The following GALK2 variants were observed in gnomAD, a reference collection of about 807,000 sequenced individuals.
GALK2 encodes N-acetylgalactosamine kinase.
A neutral mutation model predicts 52.4 loss-of-function variants in GALK2; 36 were observed. The observed-to-expected ratio is 0.69, with a 90% CI of 0.53 to 0.91. The LOEUF (loss-of-function observed/expected upper bound fraction) is 0.91, where lower values mean the gene tolerates loss of function less well. Among genes scored for constraint, GALK2 ranks in the 40% least tolerant of loss-of-function variants. The pLI is 0.00. For missense variants in GALK2, 579 were observed against 559.1 expected, an observed-to-expected ratio of 1.04 and a Z score of -0.36; for synonymous variants, 176 against 199.1, an observed-to-expected ratio of 0.88 and a Z score of 0.98.
At position 49,329,271 on chromosome 15, in the gene GALK2, G is replaced by T. The variant is rs2038133143; in HGVS notation, c.*1112G>T. ...AAGAGTGGGCAGAAATGTTTGGCTG[G>T]TGATGGCAAATGACTGGCTTTCTCT... On this transcript the variant is annotated 3_prime_UTR_variant, in exon 10 of 10. Coordinates refer to ENST00000560031, the MANE Select transcript of GALK2 (RefSeq NM_002044.4). 2.0e-6 allele frequency: 2 copies of T among 985,288 alleles called. No individual in the cohort carries two copies. The highest frequency in any genetic ancestry group is 6.1e-5 in the Admixed American group (1 of 16,262). 61.0% of individuals were successfully genotyped at this position (985,288 alleles called of 1,614,324 possible). A position where few individuals can be genotyped will look rare whatever the true frequency, so the allele number is the denominator to read the frequency against.
intron 2 of GALK2, among the ~76,000 whole-genome samples, chr15:49,212,291 C>T (rs2088979315): frequency 6.6e-6 from 1 of 151,898 alleles, no homozygotes; most frequent in Non-Finnish European, 1.5e-5. Flanking sequence ...TGGGGTTTCA[C>T]CCTGTTGGCC....
rs936584602 is a variant in GALK2 at position 49,264,633 on chromosome 15, G to A, written c.505-17354G>A. Among the ~76,000 whole-genome samples the A allele has an allele frequency of 7.2e-5, 11 of 152,262 alleles. No homozygotes were observed. The South Asian group carries it at 2.1e-3, about 29-fold the overall frequency. On this transcript the variant is annotated intron_variant, in intron 5 of 9. Coordinates refer to ENST00000560031, the MANE Select transcript of GALK2 (RefSeq NM_002044.4). ...GCTGGTGAGGAACTGCGTTCCTTTGGAGGAGGAGAGGCGCTCTGCTTTTTA... is the reference window on the plus strand; with the variant it reads ...GCTGGTGAGGAACTGCGTTCCTTTGAAGGAGGAGAGGCGCTCTGCTTTTTA...
intron 1 of GALK2, among the ~76,000 whole-genome samples, chr15:49,179,531 G>A (rs1314208730): frequency 6.6e-6 from 1 of 151,980 alleles, no homozygotes; most frequent in Non-Finnish European, 1.5e-5. Flanking sequence ...CATTTCTGCA[G>A]TTAGCCACAC....
intron 2 of GALK2, among the ~76,000 whole-genome samples, chr15:49,214,392 G>T (rs142791823): frequency 2.8e-5 from 4 of 144,750 alleles, no homozygotes; most frequent in African/African-American, 1.0e-4. Context: ...ATACAGTGGC[G>T]TGATCTCGGC....
downstream of GALK2, chr15:49,335,541 T>C: frequency 2.7e-6 from 4 of 1,482,206 alleles, no homozygotes; most frequent in Non-Finnish European, 3.8e-6. Context: ...TAGGAACATT[T>C]GGGAAGTAAA....
At chr15:49,310,703 T>G (rs2141908984) in intron 8 of GALK2, among the ~76,000 whole-genome samples, 1 of 152,314 alleles carries the variant, frequency 6.6e-6, no homozygotes, top group East Asian at 1.9e-4. Flanking sequence ...AAATCTCTAT[T>G]CAGACCCTTT....
chr15:49,286,352 A>G lies in GALK2; in HGVS notation c.756+2634A>G, dbSNP rs918574444. 5.9e-5 allele frequency among the ~76,000 whole-genome samples: 9 copies of G among 152,242 alleles called. No individual in the cohort carries two copies. In the East Asian group the frequency reaches 1.2e-3, roughly 20 times the overall value. On this transcript the variant is annotated intron_variant, in intron 7 of 9. Coordinates refer to ENST00000560031, the MANE Select transcript of GALK2 (RefSeq NM_002044.4). ...CCTGCTCTGTAGTTTATTTTGCACA[A>G]TTTCACAGTTTTTTACAAGTACCTA...
intron 5 of GALK2, among the ~76,000 whole-genome samples, chr15:49,277,143 T>A (rs1467387967): frequency 1.3e-3 from 2 of 1,598 alleles, no homozygotes; most frequent in Non-Finnish European, 4.2e-3. Flanking sequence ...TTGTATTTTT[T>A]TTTTTTTTTT....
At chr15:49,212,152 G>C (rs1214377304) in intron 2 of GALK2, among the ~76,000 whole-genome samples, 2 of 152,080 alleles carry the variant, frequency 1.3e-5, no homozygotes, top group Non-Finnish European at 1.5e-5. Flanking sequence ...GAGTGCAGTG[G>C]CGCTATCTCA....
intron 1 of GALK2, among the ~76,000 whole-genome samples, chr15:49,193,136 T>C (rs1178826194): frequency 6.6e-6 from 1 of 152,028 alleles, no homozygotes; most frequent in Non-Finnish European, 1.5e-5. Context: ...TAGCTGGGAC[T>C]GCAGGCATGT....
chr15:49,338,157 A>G (rs1440777299), intron 3 of GALK2, among the ~76,000 whole-genome samples: 1 of 152,130 alleles, frequency 6.6e-6, no homozygotes, highest in Non-Finnish European at 1.5e-5. Flanking sequence ...TTATGTGTGA[A>G]CTGGATCCTG....
chr15:49,269,952 T>C (rs771737538), intron 5 of GALK2, among the ~76,000 whole-genome samples: 4 of 152,248 alleles, frequency 2.6e-5, no homozygotes, highest in Non-Finnish European at 5.9e-5. Flanking sequence ...ATTCTTTCTC[T>C]AAGCCACACA....
At chr15:49,232,305 G>A (rs1376385498) in intron 3 of GALK2, among the ~76,000 whole-genome samples, 1 of 152,220 alleles carries the variant, frequency 6.6e-6, no homozygotes, top group Non-Finnish European at 1.5e-5. Context: ...TGGAGGCAGA[G>A]GGGTCAGGAT....
rs12593119 is a variant in GALK2, at chr15:49,242,672, A to G, written c.504+3305A>G. Among the ~76,000 whole-genome samples, 1,393 of 152,340 alleles carry G rather than the reference A, an allele frequency of 9.1e-3. 33 individuals are homozygous for G. The highest frequency in any genetic ancestry group is 0.069 in the South Asian group (332 of 4,832). On this transcript the variant is annotated intron_variant, in intron 5 of 9. Transcript: ENST00000560031. ...AATTCATTAATATACTAAATGTTGC[A>G]TATCTGAAACCAGAAAACAATATGG...
intron 7 of GALK2, among the ~76,000 whole-genome samples, chr15:49,285,327 G>C (rs1047549731): frequency 2.0e-5 from 3 of 151,538 alleles, no homozygotes; most frequent in Admixed American, 1.3e-4. Context: ...TTATATTTTT[G>C]TTGCTATTTC....
chr15:49,306,738 A>C (rs1425946953), intron 8 of GALK2, among the ~76,000 whole-genome samples: 3 of 152,168 alleles, frequency 2.0e-5, no homozygotes, highest in African/African-American at 7.2e-5. Flanking sequence ...GTTCCTTTTT[A>C]AATGGCTTGA....
chr15:49,214,954 G>C (rs568462911), intron 2 of GALK2, among the ~76,000 whole-genome samples: 1 of 152,080 alleles, frequency 6.6e-6, no homozygotes, highest in Non-Finnish European at 1.5e-5. Flanking sequence ...GTCTGGGAAA[G>C]TATTTCTCTT....
intron 3 of GALK2, among the ~76,000 whole-genome samples, chr15:49,222,364 A>G (rs1476550035): frequency 6.6e-6 from 1 of 152,112 alleles, no homozygotes; most frequent in Non-Finnish European, 1.5e-5. Context: ...AACTTCCTCC[A>G]TTTCAACTTG....
chr15:49,308,212 CT>C, intron 8 of GALK2, among the ~76,000 whole-genome samples: 1 of 152,158 alleles, frequency 6.6e-6, no homozygotes, highest in Non-Finnish European at 1.5e-5. Flanking sequence ...GTTCTGGGTT[CT>C]GAAGTGGTTT....
Sources: allele counts gnomAD v4.1 joint callset (sites outside exome capture counted in the v4.1 genomes callset), GRCh38; gene constraint gnomAD v4.1.1; transcripts MANE v1.5; gene names NCBI Gene and HGNC (gene_info 2026-07-23, HGNC 2026-07-21).